STXBP6: variants seen among roughly 807,000 people sequenced by gnomAD.
The protein encoded by STXBP6 is syntaxin binding protein 6, also known as syntaxin-binding protein 6.
Under a neutral mutation model 26.9 loss-of-function variants are expected in STXBP6, and 21 were observed. That is an observed-to-expected ratio of 0.78 (90% CI 0.55 to 1.12). The LOEUF (loss-of-function observed/expected upper bound fraction) is 1.12. STXBP6 is among the 50% of genes most tolerant of loss of function. The probability of loss-of-function intolerance (pLI) is 0.00; values close to 1 mark genes in which losing one functional copy is unlikely to be tolerated. For synonymous variants in STXBP6, 97 were observed against 92.6 expected, an observed-to-expected ratio of 1.05 and a Z score of -0.27; for missense variants, 232 against 257.9, an observed-to-expected ratio of 0.90 and a Z score of 0.69.
intron 1 of STXBP6, among the ~76,000 whole-genome samples, chr14:24,981,504 A>C (rs1475329630): frequency 2.0e-5 from 3 of 152,192 alleles, no homozygotes; most frequent in Non-Finnish European, 4.4e-5. Context: ...TCCTGACCTC[A>C]AGTGATCCAC....
intron 2 of STXBP6, among the ~76,000 whole-genome samples, chr14:24,872,194 T>C (rs1489720763): frequency 6.6e-6 from 1 of 152,176 alleles, no homozygotes; most frequent in East Asian, 1.9e-4. Context: ...CTCTCTAGTA[T>C]GAATAAGAAA....
chr14:24,914,855 T>C (rs797018872), intron 2 of STXBP6, among the ~76,000 whole-genome samples: 12 of 152,354 alleles, frequency 7.9e-5, no homozygotes, highest in African/African-American at 2.9e-4. Context: ...CCAAAGGATG[T>C]AGCTCTTAGC....
At chr14:24,959,230 G>A (rs1423063237) in intron 2 of STXBP6, among the ~76,000 whole-genome samples, 1 of 152,160 alleles carries the variant, frequency 6.6e-6, no homozygotes, top group East Asian at 1.9e-4. Flanking sequence ...TATCAGATCA[G>A]TCGCTCTGAG....
chr14:25,048,094 T>A (rs2075752885), intron 1 of STXBP6, among the ~76,000 whole-genome samples: 1 of 152,112 alleles, frequency 6.6e-6, no homozygotes. Flanking sequence ...AACAGATGCT[T>A]CCAAAGGCCC....
At chr14:24,899,161 A>G (rs111734044) in intron 2 of STXBP6, among the ~76,000 whole-genome samples, 198 of 152,346 alleles carry the variant, frequency 1.3e-3, no homozygotes, top group African/African-American at 4.3e-3. Flanking sequence ...TGGTGGACGA[A>G]ACCAATATAT....
At chr14:24,860,297 G>A (rs763626661) in intron 2 of STXBP6, among the ~76,000 whole-genome samples, 3 of 152,164 alleles carry the variant, frequency 2.0e-5, no homozygotes. Context: ...CAAAGACCAT[G>A]TCATAACAAA....
At chr14:24,907,200 G>T (rs955199088) in intron 2 of STXBP6, among the ~76,000 whole-genome samples, 4 of 152,070 alleles carry the variant, frequency 2.6e-5, no homozygotes, top group African/African-American at 9.7e-5. Context: ...ATAAATGCTG[G>T]AGGTGATGCA....
chr14:24,913,066 A>G (rs1016856024), intron 2 of STXBP6, among the ~76,000 whole-genome samples: 4 of 150,354 alleles, frequency 2.7e-5, no homozygotes, highest in African/African-American at 1.0e-4. Flanking sequence ...GGAGACGGGT[A>G]TAATTACAGG....
chr14:24,924,975 C>T (rs9783658), intron 2 of STXBP6, among the ~76,000 whole-genome samples: 34,767 of 152,034 alleles, frequency 0.23, 4,099 homozygotes, highest in African/African-American at 0.29. Flanking sequence ...AATAAGATAC[C>T]GTTGTATCAA....
chr14:24,851,818 T>C (rs1203213564), intron 4 of STXBP6, among the ~76,000 whole-genome samples: 1 of 152,126 alleles, frequency 6.6e-6, no homozygotes, highest in Non-Finnish European at 1.5e-5. Flanking sequence ...TCAATCTCTG[T>C]AGGTTGTTGC....
chr14:24,816,633 C>T (rs1160479330), intron 5 of STXBP6: 2 of 152,120 alleles, frequency 1.3e-5, no homozygotes, highest in Non-Finnish European at 2.9e-5. Flanking sequence ...CAGGTAACTG[C>T]TAGGCATAAA....
At chr14:24,892,778 G>T (rs1003065869) in intron 2 of STXBP6, among the ~76,000 whole-genome samples, 6 of 152,162 alleles carry the variant, frequency 3.9e-5, no homozygotes, top group Non-Finnish European at 7.3e-5. Flanking sequence ...GGGCCATGTG[G>T]GAGAACATCA....
At chr14:24,923,473 G>T (rs2072053653) in intron 2 of STXBP6, among the ~76,000 whole-genome samples, 1 of 151,922 alleles carries the variant, frequency 6.6e-6, no homozygotes, top group Non-Finnish European at 1.5e-5. Flanking sequence ...TTTCTTTATG[G>T]TATAAGTACT....
chr14:24,907,150 T>C (rs1006232898), intron 2 of STXBP6, among the ~76,000 whole-genome samples: 5 of 152,080 alleles, frequency 3.3e-5, no homozygotes, highest in African/African-American at 1.2e-4. Flanking sequence ...TATTTCAAAA[T>C]AGCTAGAAGA....
At chr14:25,043,050 C>T (rs767922529) in intron 1 of STXBP6, among the ~76,000 whole-genome samples, 7 of 152,158 alleles carry the variant, frequency 4.6e-5, no homozygotes, top group African/African-American at 1.2e-4. Flanking sequence ...GATCTTAAGG[C>T]AGAAGCTAAA....
intron 2 of STXBP6, among the ~76,000 whole-genome samples, chr14:24,930,737 A>C (rs984746257): frequency 7.2e-5 from 11 of 152,196 alleles, no homozygotes; most frequent in African/African-American, 2.7e-4. Flanking sequence ...AATGGTTATT[A>C]CACTGCTATT....
chr14:25,045,570 G>T (rs2075712230), intron 1 of STXBP6, among the ~76,000 whole-genome samples: 1 of 149,430 alleles, frequency 6.7e-6, no homozygotes, highest in Non-Finnish European at 1.5e-5. Flanking sequence ...AAAAAAAACT[G>T]CACATTAAAT....
intron 1 of STXBP6, among the ~76,000 whole-genome samples, chr14:24,976,511 G>T (rs2074048444): frequency 6.6e-6 from 1 of 152,084 alleles, no homozygotes; most frequent in African/African-American, 2.4e-5. Flanking sequence ...ATCACCACCA[G>T]GTTCTTCATG....
chr14:25,029,080 G>A (rs780317592), intron 1 of STXBP6, among the ~76,000 whole-genome samples: 2 of 152,098 alleles, frequency 1.3e-5, no homozygotes, highest in African/African-American at 2.4e-5. Context: ...TTGTTGAAGC[G>A]ACAACAAAGG....
Sources: gnomAD v4.1 joint callset for allele counts (sites outside exome capture counted in the v4.1 genomes callset) on GRCh38, gnomAD v4.1.1 for gene constraint, MANE v1.5 for transcripts, NCBI Gene and HGNC (gene_info 2026-07-23, HGNC 2026-07-21) for gene names.